ANK2: variants seen among roughly 807,000 people sequenced by gnomAD.
The protein encoded by ANK2 is ankyrin 2, also known as ankyrin-2.
Under a neutral mutation model 360.5 loss-of-function variants are expected in ANK2, and 83 were observed. The observed-to-expected ratio is 0.23, with a 90% CI of 0.19 to 0.28. The LOEUF (loss-of-function observed/expected upper bound fraction) is 0.28. Among genes scored for constraint, ANK2 ranks in the 10% least tolerant of loss-of-function variants. The pLI is 1.00. For missense variants in ANK2, 4,201 were observed against 4,795.7 expected, an observed-to-expected ratio of 0.88 and a Z score of 3.66; for synonymous variants, 1,740 against 1,759.5, an observed-to-expected ratio of 0.99 and a Z score of 0.28.
chr4:112,771,050 T>C, the ANK2 span, among the ~76,000 whole-genome samples: 1 of 152,356 alleles, frequency 6.6e-6, no homozygotes, highest in African/African-American at 2.4e-5. Context: ...CATTTTGAGT[T>C]TGTGGCTGGG....
chr4:112,799,806 C>T, the ANK2 span, among the ~76,000 whole-genome samples: 16 of 146,704 alleles, frequency 1.1e-4, no homozygotes, highest in African/African-American at 4.0e-4. Context: ...GAGTGAGCCA[C>T]CGCGCCCAGC....
intron 2 of ANK2, among the ~76,000 whole-genome samples, chr4:112,966,186 A>C (rs2037151818): frequency 6.6e-6 from 1 of 151,738 alleles, no homozygotes. Flanking sequence ...TTCTTTGTGA[A>C]CATTTATACT....
chr4:113,238,972 T>C (rs568348595), intron 7 of ANK2, among the ~76,000 whole-genome samples: 2 of 152,318 alleles, frequency 1.3e-5, no homozygotes, highest in African/African-American at 4.8e-5. Flanking sequence ...AATATGTTTT[T>C]CTGAAACTAA....
chr4:112,825,596 T>C (rs1452054849), intron 1 of ANK2, among the ~76,000 whole-genome samples: 1 of 152,230 alleles, frequency 6.6e-6, no homozygotes, highest in African/African-American at 2.4e-5. Context: ...GAAAGATTTC[T>C]TTTCCTCATC....
Position 113,304,686 on chromosome 4 carries a change from A to G in ANK2, c.2548+1847A>G, listed in dbSNP as rs1430998411. Among the ~76,000 whole-genome samples the G allele has an allele frequency of 2.6e-5, 4 of 152,204 alleles. No individual in the cohort carries two copies. In the East Asian group the frequency reaches 7.7e-4, roughly 29 times the overall value. On this transcript the variant is annotated intron_variant, in intron 23 of 45. Transcript: ENST00000357077. ...AGACCACTTGAAATTAATGCAGTTT[A>G]TATCACTCCCTTGGTTGATGATATA...
intron 2 of ANK2, among the ~76,000 whole-genome samples, chr4:113,035,305 A>G (rs1297702232): frequency 6.6e-6 from 1 of 151,920 alleles, no homozygotes; most frequent in Non-Finnish European, 1.5e-5. Flanking sequence ...AAGAAGTGGC[A>G]TAGTGATCAA....
intron 4 of ANK2, among the ~76,000 whole-genome samples, chr4:113,227,548 A>G (rs2099239658): frequency 6.6e-6 from 1 of 152,204 alleles, no homozygotes; most frequent in Admixed American, 6.5e-5. Context: ...TTACACATGG[A>G]GACTCCAATT....
the ANK2 span, among the ~76,000 whole-genome samples, chr4:112,793,053 A>G: frequency 6.6e-6 from 1 of 152,206 alleles, no homozygotes; most frequent in Non-Finnish European, 1.5e-5. Context: ...TAAAACCAGA[A>G]GAATGTGGTT....
chr4:113,041,966 T>C (rs2063071703), intron 2 of ANK2, among the ~76,000 whole-genome samples: 1 of 152,166 alleles, frequency 6.6e-6, no homozygotes, highest in Non-Finnish European at 1.5e-5. Context: ...CTCTGATAGT[T>C]AATTTTATGT....
rs184227041 is a variant in ANK2 at position 113,341,633 on chromosome 4, T to C, written c.3894-55T>C. 1.4e-3 allele frequency: 2,211 copies of C among 1,575,064 alleles called. 5 individuals are homozygous for C. Among genetic ancestry groups the C allele is most frequent in the Non-Finnish European group, 1.1e-3 (1,265 of 1,145,782 alleles). On this transcript the variant is annotated intron_variant, in intron 32 of 45. Transcript: ENST00000357077. ...GATCATATTGAAGGAACTGATTTTA[T>C]TTTTCACATGGTATACTTTGAACTT...
chr4:113,246,947 G>GACAC (rs2043201277), intron 9 of ANK2, among the ~76,000 whole-genome samples: 1 of 152,100 alleles, frequency 6.6e-6, no homozygotes, highest in African/African-American at 2.4e-5. Context: ...CTTGACCTAG[G>GACAC]ACACAGAACT....
chr4:113,107,205 C>G (rs1217345254), intron 1 of ANK2, among the ~76,000 whole-genome samples: 1 of 152,048 alleles, frequency 6.6e-6, no homozygotes, highest in African/African-American at 2.4e-5. Flanking sequence ...CCACAGTGTT[C>G]CAAGTTGCGT....
chr4:113,050,430 C>T (rs1223206640), intron 1 of ANK2, among the ~76,000 whole-genome samples: 4 of 152,076 alleles, frequency 2.6e-5, no homozygotes, highest in African/African-American at 4.8e-5. Context: ...GGGGTGGGGG[C>T]TCTTGGGCAC....
the ANK2 span, among the ~76,000 whole-genome samples, chr4:112,760,164 AAAATATTTTTC>A: frequency 6.6e-6 from 1 of 150,974 alleles, no homozygotes; most frequent in Non-Finnish European, 1.5e-5. Context: ...AGTTGGGAGA[AAAATATTTTTC>A]AAATTCCATA....
chr4:113,237,305 A>T, intron 6 of ANK2, 133 bp downstream of exon 6: 1 of 1,164,102 alleles, frequency 8.6e-7, no homozygotes, highest in Non-Finnish European at 1.2e-6. Context: ...AATGACTTTC[A>T]GAGGTATTTC....
intron 2 of ANK2, among the ~76,000 whole-genome samples, chr4:112,994,582 C>T (rs138377484): frequency 1.6e-4 from 25 of 152,290 alleles, no homozygotes; most frequent in African/African-American, 6.0e-4. Flanking sequence ...GTGGTATAGA[C>T]ATCGGGCTTT....
At chr4:113,171,115 G>A (rs2097925926) in intron 1 of ANK2, among the ~76,000 whole-genome samples, 1 of 152,118 alleles carries the variant, frequency 6.6e-6, no homozygotes, top group African/African-American at 2.4e-5. Flanking sequence ...AAAGAAAACA[G>A]TCTATTTTAA....
At chr4:112,774,768 C>G in the ANK2 span, among the ~76,000 whole-genome samples, 1 of 152,156 alleles carries the variant, frequency 6.6e-6, no homozygotes, top group Admixed American at 6.5e-5. Context: ...AAGTGTGAGA[C>G]CACCACATCA....
intron 10 of ANK2, among the ~76,000 whole-genome samples, chr4:113,255,455 CTAA>C (rs1329892734): frequency 1.3e-5 from 2 of 152,088 alleles, no homozygotes; most frequent in Non-Finnish European, 2.9e-5. Context: ...TAATATTGCC[CTAA>C]TAACTGTAAA....
Sources: allele counts gnomAD v4.1 joint callset (sites outside exome capture counted in the v4.1 genomes callset), GRCh38; gene constraint gnomAD v4.1.1; transcripts MANE v1.5; gene names NCBI Gene and HGNC (gene_info 2026-07-23, HGNC 2026-07-21).